The following FANCC variants were observed in gnomAD, a reference collection of about 807,000 sequenced individuals.
The protein encoded by FANCC is Fanconi anemia group C protein.
In FANCC, 55 loss-of-function variants were observed where a neutral mutation model predicts 71.3. That is an observed-to-expected ratio of 0.77 (90% CI 0.62 to 0.97). FANCC has a LOEUF of 0.97. Ranked by LOEUF, FANCC falls within the 50% of genes least tolerant of loss-of-function variation. The pLI is 0.00. For missense variants in FANCC, 678 were observed against 670.9 expected, an observed-to-expected ratio of 1.01 and a Z score of -0.12; for synonymous variants, 275 against 244.9, an observed-to-expected ratio of 1.12 and a Z score of -1.15.
intron 13 of FANCC, among the ~76,000 whole-genome samples, chr9:95,109,037 G>T (rs2071696730): frequency 6.6e-6 from 1 of 152,008 alleles, no homozygotes; most frequent in Non-Finnish European, 1.5e-5. Flanking sequence ...AGCCTCCCGA[G>T]TAGCTGGGAC....
chr9:95,309,540 C>T (rs1012143550), intron 1 of FANCC, among the ~76,000 whole-genome samples: 1 of 152,108 alleles, frequency 6.6e-6, no homozygotes, highest in African/African-American at 2.4e-5. Context: ...AAAGCTAGGG[C>T]TAAATATAAC....
intron 4 of FANCC, among the ~76,000 whole-genome samples, chr9:95,194,745 T>C (rs1426186527): frequency 2.0e-5 from 3 of 152,228 alleles, no homozygotes; most frequent in Non-Finnish European, 4.4e-5. Context: ...ATTATCTAGA[T>C]ACTAGTCCTT....
chr9:95,120,756 C>T lies in FANCC; in HGVS notation c.997-3366G>A, dbSNP rs149406163. On this transcript the variant is annotated intron_variant, in intron 10 of 14. Transcript: ENST00000289081. Reference sequence around the variant, plus strand: ...TCTTCATTTTTTTTGTTCAATCTGACGTTTCTGCCTTTTTATTAGAATATT... The same window carrying T: ...TCTTCATTTTTTTTGTTCAATCTGATGTTTCTGCCTTTTTATTAGAATATT... Among the ~76,000 whole-genome samples the T allele has an allele frequency of 7.0e-3, 1,065 of 152,220 alleles. 11 individuals are homozygous for T. The highest frequency in any genetic ancestry group is 0.024 in the African/African-American group (992 of 41,538).
chr9:95,141,125 T>A (rs1828592797), intron 7 of FANCC, among the ~76,000 whole-genome samples: 1 of 151,514 alleles, frequency 6.6e-6, no homozygotes, highest in East Asian at 1.9e-4. Context: ...GCCTGGGCAA[T>A]ATGGCAAAAC....
intron 1 of FANCC, among the ~76,000 whole-genome samples, chr9:95,273,283 T>C (rs909831500): frequency 1.3e-5 from 2 of 152,220 alleles, no homozygotes; most frequent in Admixed American, 1.3e-4. Flanking sequence ...CTTGGTTTTC[T>C]ATCTTTTTGT....
At chr9:95,191,783 A>G (rs1011577598) in intron 4 of FANCC, among the ~76,000 whole-genome samples, 1 of 151,990 alleles carries the variant, frequency 6.6e-6, no homozygotes, top group African/African-American at 2.4e-5. Context: ...CTCCATACGC[A>G]GCCCATCTGC....
intron 13 of FANCC, 114 bp downstream of exon 13, chr9:95,111,349 T>G (rs2134541221): frequency 6.3e-7 from 1 of 1,598,196 alleles, no homozygotes; most frequent in Admixed American, 1.7e-5. Flanking sequence ...ATGCCATCTG[T>G]GGGCAGAGCT....
chr9:95,170,854 A>G (rs1243925601), intron 6 of FANCC, among the ~76,000 whole-genome samples: 1 of 152,144 alleles, frequency 6.6e-6, no homozygotes, highest in Non-Finnish European at 1.5e-5. Context: ...CACAAAAGAC[A>G]TTGTATGATT....
At chr9:95,290,920 C>T (rs1380959464) in intron 1 of FANCC, among the ~76,000 whole-genome samples, 1 of 152,158 alleles carries the variant, frequency 6.6e-6, no homozygotes, top group African/African-American at 2.4e-5. Context: ...AAGGATGATT[C>T]AACATACGCC....
chr9:95,259,357 G>T (rs535590119), intron 1 of FANCC, among the ~76,000 whole-genome samples: 1 of 152,236 alleles, frequency 6.6e-6, no homozygotes, highest in East Asian at 1.9e-4. Flanking sequence ...ATAGGCCAAT[G>T]GAACAGAACA....
intron 6 of FANCC, among the ~76,000 whole-genome samples, chr9:95,152,645 T>C (rs1830243238): frequency 6.6e-6 from 1 of 152,204 alleles, no homozygotes; most frequent in Non-Finnish European, 1.5e-5. Context: ...TACTTTAAAA[T>C]TTTTATTTTA....
chr9:95,308,046 T>G (rs1835166413), intron 1 of FANCC, among the ~76,000 whole-genome samples: 1 of 152,218 alleles, frequency 6.6e-6, no homozygotes, highest in Non-Finnish European at 1.5e-5. Flanking sequence ...TGTACATCAG[T>G]AATACCTTAG....
intron 14 of FANCC, among the ~76,000 whole-genome samples, chr9:95,104,487 G>A (rs2071289683): frequency 6.6e-6 from 1 of 152,066 alleles, no homozygotes. Context: ...TCCGCAGCAG[G>A]GGCTGAACCA....
chr9:95,276,979 T>C (rs1833077905), intron 1 of FANCC, among the ~76,000 whole-genome samples: 1 of 152,232 alleles, frequency 6.6e-6, no homozygotes, highest in South Asian at 2.1e-4. Flanking sequence ...CATTCTGTTT[T>C]TAGCACTGGT....
intron 1 of FANCC, among the ~76,000 whole-genome samples, chr9:95,303,926 A>G: frequency 6.6e-6 from 1 of 152,202 alleles, no homozygotes; most frequent in African/African-American, 2.4e-5. Context: ...CTCAGAACGA[A>G]AAGACAGGAG....
At chr9:95,302,156 A>G (rs1159440664) in intron 1 of FANCC, among the ~76,000 whole-genome samples, 10 of 152,128 alleles carry the variant, frequency 6.6e-5, no homozygotes, top group Non-Finnish European at 1.5e-5. Flanking sequence ...ACCCTGAATT[A>G]AACATGTTTA....
chr9:95,224,938 G>C (rs914490917), intron 4 of FANCC, among the ~76,000 whole-genome samples: 1 of 152,106 alleles, frequency 6.6e-6, no homozygotes, highest in African/African-American at 2.4e-5. Flanking sequence ...GCTTTTAAAA[G>C]ACCTGGAAAT....
At chr9:95,110,955 C>T (rs1347692016) in intron 13 of FANCC, 5 of 1,389,262 alleles carry the variant, frequency 3.6e-6, no homozygotes, top group Non-Finnish European at 2.8e-6. Flanking sequence ...TGGTTAATAT[C>T]ATCTGATTAC....
intron 4 of FANCC, among the ~76,000 whole-genome samples, chr9:95,176,043 TC>T (rs1404446736): frequency 6.6e-6 from 1 of 152,196 alleles, no homozygotes; most frequent in East Asian, 1.9e-4. Flanking sequence ...TATTTAACAC[TC>T]ATTTAAAGCA....
Sources: allele counts gnomAD v4.1 joint callset (sites outside exome capture counted in the v4.1 genomes callset), GRCh38; gene constraint gnomAD v4.1.1; transcripts MANE v1.5; gene names NCBI Gene and HGNC (gene_info 2026-07-23, HGNC 2026-07-21).